CNTNAP2: variants seen among roughly 807,000 people sequenced by gnomAD.
CNTNAP2 encodes the protein contactin-associated protein-like 2.
CNTNAP2 carries 98 observed loss-of-function variants against 155.2 expected under a neutral mutation model. The observed-to-expected ratio is 0.63, with a 90% confidence interval of 0.54 to 0.75. The LOEUF (loss-of-function observed/expected upper bound fraction) is 0.75. Ranked by LOEUF, CNTNAP2 falls within the 30% of genes least tolerant of loss-of-function variation. CNTNAP2 has a pLI of 0.00. For missense variants in CNTNAP2, 1,727 were observed against 1,688.1 expected, an observed-to-expected ratio of 1.02 and a Z score of -0.40; for synonymous variants, 651 against 631.2, an observed-to-expected ratio of 1.03 and a Z score of -0.47.
chr7:147,196,227 C>T (rs776069365), intron 8 of CNTNAP2, among the ~76,000 whole-genome samples: 1 of 152,112 alleles, frequency 6.6e-6, no homozygotes, highest in Non-Finnish European at 1.5e-5. Flanking sequence ...TGCTGTGGTG[C>T]TTTGTTATGG....
intron 19 of CNTNAP2, among the ~76,000 whole-genome samples, chr7:148,222,753 A>T (rs1795776708): frequency 6.6e-6 from 1 of 152,206 alleles, no homozygotes; most frequent in African/African-American, 2.4e-5. Flanking sequence ...TTAAACACTC[A>T]GTGGTGCCCC....
chr7:146,251,827 T>G (rs972945929), intron 1 of CNTNAP2, among the ~76,000 whole-genome samples: 2 of 152,252 alleles, frequency 1.3e-5, no homozygotes, highest in Admixed American at 6.5e-5. Context: ...AAAGGACATA[T>G]TCTGATATTA....
At chr7:146,607,207 A>G (rs2129153213) in intron 1 of CNTNAP2, among the ~76,000 whole-genome samples, 1 of 152,302 alleles carries the variant, frequency 6.6e-6, no homozygotes, top group East Asian at 1.9e-4. Flanking sequence ...AGCTAATTTC[A>G]AACAGATTGG....
intron 13 of CNTNAP2, among the ~76,000 whole-genome samples, chr7:147,748,447 A>G (rs1797081122): frequency 6.6e-6 from 1 of 152,168 alleles, no homozygotes; most frequent in African/African-American, 2.4e-5. Flanking sequence ...TTATTGGTAC[A>G]CTTAATGATA....
intron 3 of CNTNAP2, among the ~76,000 whole-genome samples, chr7:146,933,373 C>T (rs1013844719): frequency 5.9e-5 from 9 of 151,410 alleles, no homozygotes; most frequent in Admixed American, 4.6e-4. Flanking sequence ...GCTGGGAAAA[C>T]TGGCTAGCCA....
At chr7:146,751,871 C>T (rs528319768) in intron 1 of CNTNAP2, among the ~76,000 whole-genome samples, 87 of 152,152 alleles carry the variant, frequency 5.7e-4, no homozygotes, top group African/African-American at 2.0e-3. Context: ...TGACAACATG[C>T]AGTGTTTGGT....
chr7:147,783,009 A>G (rs1459560793), intron 13 of CNTNAP2, among the ~76,000 whole-genome samples: 1 of 152,220 alleles, frequency 6.6e-6, no homozygotes, highest in African/African-American at 2.4e-5. Flanking sequence ...TTATCTCTAA[A>G]TATTCAAAGT....
intron 8 of CNTNAP2, among the ~76,000 whole-genome samples, chr7:147,187,857 C>G (rs560524326): frequency 6.6e-6 from 1 of 152,126 alleles, no homozygotes; most frequent in Non-Finnish European, 1.5e-5. Flanking sequence ...CTCAGGAGTT[C>G]GAGATCAGCC....
At chr7:146,870,269 T>C (rs983171563) in intron 3 of CNTNAP2, among the ~76,000 whole-genome samples, 1 of 151,990 alleles carries the variant, frequency 6.6e-6, no homozygotes, top group African/African-American at 2.4e-5. Flanking sequence ...GAGCTCATTA[T>C]TGGTCTGTTT....
intron 1 of CNTNAP2, among the ~76,000 whole-genome samples, chr7:146,156,355 C>T (rs115456659): frequency 0.02 from 3,113 of 152,010 alleles, 92 homozygotes; most frequent in African/African-American, 0.065. Flanking sequence ...TGTAAAACAC[C>T]CAGATCAGTT....
chr7:148,180,848 G>A (rs1795025643), intron 18 of CNTNAP2, among the ~76,000 whole-genome samples: 1 of 152,190 alleles, frequency 6.6e-6, no homozygotes, highest in Admixed American at 6.6e-5. Flanking sequence ...ATTACTTTGA[G>A]GTGGGTCTGT....
intron 9 of CNTNAP2, among the ~76,000 whole-genome samples, chr7:147,301,059 C>T (rs569039672): frequency 2.0e-5 from 3 of 152,176 alleles, no homozygotes; most frequent in South Asian, 2.1e-4. Flanking sequence ...CACTAAATCC[C>T]GTCCACAGTT....
intron 1 of CNTNAP2, among the ~76,000 whole-genome samples, chr7:146,721,474 A>G (rs1178282705): frequency 7.7e-6 from 1 of 130,360 alleles, no homozygotes; most frequent in African/African-American, 3.0e-5. Flanking sequence ...TATACATTCT[A>G]TATATATTCT....
At chr7:146,228,289 TA>T (rs1799328800) in intron 1 of CNTNAP2, among the ~76,000 whole-genome samples, 1 of 152,222 alleles carries the variant, frequency 6.6e-6, no homozygotes, top group Non-Finnish European at 1.5e-5. Flanking sequence ...TGTTTAGTAG[TA>T]AACACTTTCA....
At chr7:147,506,275 G>A (rs1798904416) in intron 11 of CNTNAP2, among the ~76,000 whole-genome samples, 1 of 152,112 alleles carries the variant, frequency 6.6e-6, no homozygotes, top group Admixed American at 6.5e-5. Context: ...TTTTGTTCGA[G>A]ATGGAGTTTT....
At chr7:146,586,814 G>A (rs373843020) in intron 1 of CNTNAP2, among the ~76,000 whole-genome samples, 2 of 152,114 alleles carry the variant, frequency 1.3e-5, no homozygotes, top group Non-Finnish European at 2.9e-5. Flanking sequence ...CATTTGACCC[G>A]GCTGGATCTT....
intron 11 of CNTNAP2, among the ~76,000 whole-genome samples, chr7:147,556,072 C>A (rs958186044): frequency 2.0e-5 from 3 of 152,186 alleles, no homozygotes; most frequent in Admixed American, 6.5e-5. Context: ...AACAGAATTT[C>A]TCTGTCACAT....
chr7:147,864,550 C>G (rs1330923700), intron 13 of CNTNAP2, among the ~76,000 whole-genome samples: 2 of 151,966 alleles, frequency 1.3e-5, no homozygotes, highest in Non-Finnish European at 2.9e-5. Flanking sequence ...TTGATTCTTC[C>G]TATCCATGAG....
intron 1 of CNTNAP2, among the ~76,000 whole-genome samples, chr7:146,443,593 A>G (rs765770255): frequency 1.3e-5 from 2 of 152,252 alleles, no homozygotes; most frequent in South Asian, 4.1e-4. Context: ...AGTTTATAAC[A>G]TTAGTGACCA....
Sources: allele counts gnomAD v4.1 joint callset (sites outside exome capture counted in the v4.1 genomes callset), GRCh38; gene constraint gnomAD v4.1.1; transcripts MANE v1.5; gene names NCBI Gene and HGNC (gene_info 2026-07-23, HGNC 2026-07-21).